Variants in TMEM132D observed in about 807,000 individuals in gnomAD.
TMEM132D encodes the protein transmembrane protein 132D.
A neutral mutation model predicts 62.3 loss-of-function variants in TMEM132D; 21 were observed. The observed-to-expected ratio is 0.34, with a 90% CI of 0.24 to 0.49. The LOEUF (loss-of-function observed/expected upper bound fraction) is 0.49. Among genes scored for constraint, TMEM132D ranks in the 20% least tolerant of loss-of-function variants. The probability of loss-of-function intolerance (pLI) is 0.99; values close to 1 mark genes in which losing one functional copy is unlikely to be tolerated. For missense variants in TMEM132D, 1,346 were observed against 1,402.8 expected (o/e 0.96, Z 0.65); for synonymous variants, 621 against 575.6 (o/e 1.08, Z -1.13).
intron 3 of TMEM132D, among the ~76,000 whole-genome samples, chr12:129,501,579 A>G (rs7972093): frequency 0.11 from 16,773 of 151,892 alleles, 1,258 homozygotes; most frequent in African/African-American, 0.21. Flanking sequence ...ACCACGGCTC[A>G]TTGCAACCTT....
intron 5 of TMEM132D, among the ~76,000 whole-genome samples, chr12:129,141,101 A>G (rs1190465853): frequency 6.6e-6 from 1 of 152,204 alleles, no homozygotes; most frequent in Non-Finnish European, 1.5e-5. Flanking sequence ...CATATATAGA[A>G]ATAGAGAAGT....
chr12:129,290,967 C>T (rs1881432347), intron 4 of TMEM132D, among the ~76,000 whole-genome samples: 4 of 152,116 alleles, frequency 2.6e-5, no homozygotes, highest in Admixed American at 2.6e-4. Flanking sequence ...TTAAAATTTT[C>T]CTTAAATTGC....
chr12:129,411,276 A>G (rs1159136188), intron 3 of TMEM132D, among the ~76,000 whole-genome samples: 1 of 152,168 alleles, frequency 6.6e-6, no homozygotes, highest in Non-Finnish European at 1.5e-5. Flanking sequence ...GTGTTAAATG[A>G]TGGTGGAGAG....
intron 2 of TMEM132D, among the ~76,000 whole-genome samples, chr12:129,662,021 A>G (rs182156394): frequency 4.8e-4 from 73 of 152,348 alleles, no homozygotes; most frequent in African/African-American, 1.7e-3. Flanking sequence ...GTGTAATAGA[A>G]GCTCAGAGTG....
chr12:129,743,391 A>G (rs1236648044), intron 1 of TMEM132D, among the ~76,000 whole-genome samples: 1 of 152,110 alleles, frequency 6.6e-6, no homozygotes, highest in Non-Finnish European at 1.5e-5. Flanking sequence ...TTCACAGGAG[A>G]TCTGATGGTT....
chr12:129,266,682 A>G (rs1208947074), intron 4 of TMEM132D, among the ~76,000 whole-genome samples: 1 of 149,644 alleles, frequency 6.7e-6, no homozygotes, highest in Non-Finnish European at 1.5e-5. Flanking sequence ...AAACAGGACC[A>G]CTCTGCCAAT....
At chr12:129,520,727 G>A (rs964116864) in intron 3 of TMEM132D, among the ~76,000 whole-genome samples, 6 of 152,306 alleles carry the variant, frequency 3.9e-5, no homozygotes, top group African/African-American at 1.4e-4. Context: ...TGTACATGTT[G>A]AGATCATCTC....
intron 1 of TMEM132D, among the ~76,000 whole-genome samples, chr12:129,754,035 C>T (rs141028142): frequency 7.6e-4 from 115 of 152,260 alleles, no homozygotes; most frequent in Non-Finnish European, 1.2e-3. Flanking sequence ...AAGGTCCATC[C>T]AGCCCTATGC....
At chr12:129,669,605 T>A (rs1880453496) in intron 2 of TMEM132D, among the ~76,000 whole-genome samples, 1 of 152,026 alleles carries the variant, frequency 6.6e-6, no homozygotes, top group Admixed American at 6.6e-5. Flanking sequence ...CTCGGGAGGA[T>A]GAGGCAGGAG....
intron 2 of TMEM132D, among the ~76,000 whole-genome samples, chr12:129,698,669 A>G (rs1199026251): frequency 5.7e-4 from 1 of 1,752 alleles, no homozygotes; most frequent in Non-Finnish European, 1.2e-3. Context: ...AGGGGAGGGG[A>G]GGGGGAGGAG....
intron 4 of TMEM132D, among the ~76,000 whole-genome samples, chr12:129,327,738 C>G (rs1056564200): frequency 6.6e-6 from 1 of 152,206 alleles, no homozygotes; most frequent in Non-Finnish European, 1.5e-5. Flanking sequence ...CCTGGACCAC[C>G]AAAGGAGCCC....
chr12:129,720,355 T>C (rs576561204), intron 1 of TMEM132D, among the ~76,000 whole-genome samples: 28 of 152,290 alleles, frequency 1.8e-4, no homozygotes, highest in Admixed American at 1.2e-3. Context: ...TATTCAACAT[T>C]TGCACTCACT....
intron 1 of TMEM132D, among the ~76,000 whole-genome samples, chr12:129,745,219 C>T (rs945646621): frequency 1.3e-5 from 2 of 152,108 alleles, no homozygotes; most frequent in East Asian, 3.8e-4. Context: ...GAACTAATAC[C>T]CCTATATAAC....
chr12:129,513,480 GGTTT>G (rs200219250), intron 3 of TMEM132D, among the ~76,000 whole-genome samples: 18 of 151,774 alleles, frequency 1.2e-4, no homozygotes, highest in Admixed American at 4.6e-4. Context: ...AACAAAAACA[GGTTT>G]GTTTGTTTGT....
intron 1 of TMEM132D, among the ~76,000 whole-genome samples, chr12:129,765,337 G>A (rs1167780541): frequency 6.6e-6 from 1 of 152,114 alleles, no homozygotes; most frequent in Non-Finnish European, 1.5e-5. Context: ...GAGGCCAAGG[G>A]AGGCAGATCA....
chr12:129,178,294 G>A (rs895805210), intron 5 of TMEM132D, among the ~76,000 whole-genome samples: 2 of 152,090 alleles, frequency 1.3e-5, no homozygotes, highest in African/African-American at 4.8e-5. Context: ...CTCAGTAATG[G>A]GATTGCTGGG....
At chr12:129,418,667 T>C (rs1872203591) in intron 3 of TMEM132D, among the ~76,000 whole-genome samples, 1 of 152,096 alleles carries the variant, frequency 6.6e-6, no homozygotes, top group Non-Finnish European at 1.5e-5. Flanking sequence ...CCATGGCACA[T>C]GTATACCTAT....
chr12:129,821,838 C>A (rs1441010146), intron 1 of TMEM132D, among the ~76,000 whole-genome samples: 1 of 152,148 alleles, frequency 6.6e-6, no homozygotes, highest in East Asian at 1.9e-4. Context: ...ACTGGACCAC[C>A]CCTGGGATTT....
chr12:129,397,849 G>A (rs1871475057), intron 3 of TMEM132D, among the ~76,000 whole-genome samples: 1 of 152,174 alleles, frequency 6.6e-6, no homozygotes, highest in African/African-American at 2.4e-5. Context: ...ATCTCAGGCT[G>A]TAGAGCCAGA....
Sources: gnomAD v4.1 joint callset for allele counts (sites outside exome capture counted in the v4.1 genomes callset) on GRCh38, gnomAD v4.1.1 for gene constraint, MANE v1.5 for transcripts, NCBI Gene and HGNC (gene_info 2026-07-23, HGNC 2026-07-21) for gene names.